TANGO6: variants seen among roughly 807,000 people sequenced by gnomAD.
TANGO6 encodes the protein transport and Golgi organization protein 6 homolog.
A neutral mutation model predicts 114.2 loss-of-function variants in TANGO6; 90 were observed. That is an observed-to-expected ratio of 0.79 (90% confidence interval 0.66 to 0.94). The LOEUF (loss-of-function observed/expected upper bound fraction) is 0.94, where lower values mean the gene tolerates loss of function less well. Among genes scored for constraint, TANGO6 ranks in the 40% least tolerant of loss-of-function variants. The pLI is 0.00. For missense variants in TANGO6, 1,274 were observed against 1,315.3 expected, an observed-to-expected ratio of 0.97 and a Z score of 0.49; for synonymous variants, 477 against 509.8, an observed-to-expected ratio of 0.94 and a Z score of 0.87.
Position 68,973,535 on chromosome 16 carries a change from G to A in TANGO6, c.2702-493G>A, listed in dbSNP as rs560552492. On this transcript the variant is annotated intron_variant, in intron 14 of 17. Transcript: ENST00000261778. ...GTTCCAGGCTACACATTTAGAAGGC[G>A]CTGCTGTGGATAGGAGAGAGGATCA... Among the ~76,000 whole-genome samples the A allele has an allele frequency of 2.6e-5, 4 of 152,292 alleles. No homozygotes were observed. The East Asian group carries it at 7.7e-4, about 29-fold the overall frequency.
At chr16:69,003,457 A>G (rs1188182972) in intron 15 of TANGO6, among the ~76,000 whole-genome samples, 1 of 152,216 alleles carries the variant, frequency 6.6e-6, no homozygotes, top group Non-Finnish European at 1.5e-5. Flanking sequence ...TAAGCACCAT[A>G]TTGTTTTTCC....
chr16:68,938,605 A>T (rs1963321388), intron 14 of TANGO6, among the ~76,000 whole-genome samples: 1 of 151,894 alleles, frequency 6.6e-6, no homozygotes, highest in South Asian at 2.1e-4. Flanking sequence ...TTTGATTAAG[A>T]TCTTTTTTTG....
chr16:68,844,967 C>G (rs202200125), intron 1 of TANGO6, among the ~76,000 whole-genome samples: 5 of 131,214 alleles, frequency 3.8e-5, no homozygotes, highest in African/African-American at 1.5e-4. Flanking sequence ...AACGGCAACT[C>G]TTTTTTTTTT....
intron 14 of TANGO6, among the ~76,000 whole-genome samples, chr16:68,953,280 G>T (rs961019438): frequency 1.2e-4 from 18 of 151,814 alleles, no homozygotes; most frequent in Non-Finnish European, 1.5e-4. Flanking sequence ...ACAGGGTTTC[G>T]CCATGTTGGC....
Position 68,858,301 on chromosome 16 carries a change from T to A in TANGO6, c.95-1583T>A, listed in dbSNP as rs1326101848. ...CTGGTCTCCAACTCCTGACCTCAAG[T>A]GTTCCTCCCACCTCAGCCTCCCAAA... On this transcript the variant is annotated intron_variant, in intron 1 of 17. Transcript: ENST00000261778. Among the ~76,000 whole-genome samples, 5 of 152,320 alleles carry A rather than the reference T, an allele frequency of 3.3e-5. No homozygotes were observed. The East Asian group carries it at 9.6e-4, about 29-fold the overall frequency.
chr16:68,852,828 G>A (rs143469155), intron 1 of TANGO6, among the ~76,000 whole-genome samples: 300 of 150,468 alleles, frequency 2.0e-3, no homozygotes, highest in Non-Finnish European at 2.9e-3. Context: ...CGAGACCCCC[G>A]TCTCAAAAAG....
At chr16:68,881,320 C>T (rs949777182) in intron 7 of TANGO6, among the ~76,000 whole-genome samples, 1 of 151,928 alleles carries the variant, frequency 6.6e-6, no homozygotes, top group Admixed American at 6.6e-5. Flanking sequence ...TCAAGACCAG[C>T]CTGGCCAATA....
intron 15 of TANGO6, among the ~76,000 whole-genome samples, chr16:68,999,533 T>C (rs1266678941): frequency 6.6e-6 from 1 of 152,214 alleles, no homozygotes; most frequent in Admixed American, 6.5e-5. Context: ...CAGATTCTTA[T>C]TACACTTATT....
chr16:68,913,561 A>G (rs1962958343), intron 11 of TANGO6, among the ~76,000 whole-genome samples: 1 of 151,452 alleles, frequency 6.6e-6, no homozygotes, highest in African/African-American at 2.4e-5. Context: ...GGCACCTGAC[A>G]CCATGCCTGG....
At chr16:68,925,122 G>A (rs1235538359) in intron 12 of TANGO6, among the ~76,000 whole-genome samples, 2 of 151,978 alleles carry the variant, frequency 1.3e-5, no homozygotes, top group Admixed American at 1.3e-4. Flanking sequence ...GCCAGCCCCG[G>A]CAACATGGCA....
At chr16:68,937,213 G>A (rs1212961126) in intron 14 of TANGO6, 4 of 152,160 alleles carry the variant, frequency 2.6e-5, no homozygotes, top group Non-Finnish European at 4.4e-5. Context: ...GCAGTCCTGC[G>A]AAGTTTATCA....
chr16:69,050,753 G>A (rs541434526), intron 17 of TANGO6, among the ~76,000 whole-genome samples: 2 of 152,158 alleles, frequency 1.3e-5, no homozygotes, highest in Admixed American at 1.3e-4. Flanking sequence ...CTCCCAAAGT[G>A]CTGGGATTAC....
intron 9 of TANGO6, among the ~76,000 whole-genome samples, chr16:68,903,249 T>C (rs781020181): frequency 5.3e-5 from 8 of 152,076 alleles, no homozygotes; most frequent in Non-Finnish European, 1.0e-4. Context: ...TTGAGGAAAA[T>C]AGAAAAACAC....
intron 17 of TANGO6, among the ~76,000 whole-genome samples, chr16:69,080,260 T>C (rs1960445328): frequency 6.6e-6 from 1 of 152,022 alleles, no homozygotes. Flanking sequence ...CAACAGAGCG[T>C]AGAATATAAT....
At chr16:68,922,939 G>GTTTTTTTTTTTT (rs531603542) in intron 12 of TANGO6, among the ~76,000 whole-genome samples, 1 of 79,052 alleles carries the variant, frequency 1.3e-5, no homozygotes, top group African/African-American at 5.3e-5. Flanking sequence ...CTTAGGTCAT[G>GTTTTTTTTTTTT]TTTTTTTTTT....
At chr16:68,951,328 A>AT (rs1199246321) in intron 14 of TANGO6, among the ~76,000 whole-genome samples, 3 of 128,150 alleles carry the variant, frequency 2.3e-5, no homozygotes, top group East Asian at 4.9e-4. Context: ...CAAAAAAAAA[A>AT]GGCAGGGTGG....
chr16:68,999,280 A>G (rs1480485416), intron 15 of TANGO6, among the ~76,000 whole-genome samples: 1 of 152,162 alleles, frequency 6.6e-6, no homozygotes, highest in African/African-American at 2.4e-5. Context: ...TTGAGATCCC[A>G]AGATAACCTG....
At chr16:68,900,914 A>G (rs1962774370) in intron 8 of TANGO6, among the ~76,000 whole-genome samples, 1 of 152,248 alleles carries the variant, frequency 6.6e-6, no homozygotes, top group Non-Finnish European at 1.5e-5. Flanking sequence ...TAGAAAACAC[A>G]TTTGGGAAAT....
chr16:69,029,553 A>G (rs1000086434), intron 16 of TANGO6, among the ~76,000 whole-genome samples: 2 of 152,118 alleles, frequency 1.3e-5, no homozygotes, highest in Non-Finnish European at 2.9e-5. Flanking sequence ...TGTATAATCA[A>G]TAAGTAAAGT....
Sources: allele counts gnomAD v4.1 joint callset (sites outside exome capture counted in the v4.1 genomes callset), GRCh38; gene constraint gnomAD v4.1.1; transcripts MANE v1.5; gene names NCBI Gene and HGNC (gene_info 2026-07-23, HGNC 2026-07-21).